Variants in UBR4 observed in about 807,000 individuals in gnomAD.
UBR4 encodes the protein ubiquitin protein ligase E3 component n-recognin 4, also known as E3 ubiquitin-protein ligase UBR4.
UBR4 carries 124 observed loss-of-function variants against 575.6 expected under a neutral mutation model. The observed-to-expected ratio is 0.22, with a 90% CI of 0.19 to 0.25. The LOEUF (loss-of-function observed/expected upper bound fraction) is 0.25. Ranked by LOEUF, UBR4 falls within the 10% of genes least tolerant of loss-of-function variation. UBR4 has a pLI of 1.00. For missense variants in UBR4, 4,818 were observed against 6,478.8 expected (o/e 0.74, Z 8.80); for synonymous variants, 2,455 against 2,473.7 (o/e 0.99, Z 0.22).
intron 52 of UBR4, among the ~76,000 whole-genome samples, 198 bp downstream of exon 52, chr1:19,146,628 A>G (rs954603154): frequency 2.6e-5 from 4 of 152,262 alleles, no homozygotes; most frequent in Non-Finnish European, 5.9e-5. Context: ...AATCGAAAGT[A>G]TAAGCACTGG....
chr1:19,143,968 A>T lies in UBR4; in HGVS notation c.8179+12T>A. The stretch of plus-strand genomic sequence containing the variant: ...AATACAGGCTTGAGCCTAAACCCAG[A>T]CCTCATATTACCCATTGGAGTGTTG... On this transcript the variant is annotated intron_variant, in intron 55 of 105. Coordinates refer to ENST00000375254, the MANE Select transcript of UBR4 (RefSeq NM_020765.3). The T allele has an allele frequency of 6.2e-7, 1 of 1,611,368 alleles. No individual in the cohort carries two copies. The highest frequency in any genetic ancestry group is 8.5e-7 in the Non-Finnish European group (1 of 1,177,812).
Position 19,093,170 on chromosome 1 carries a change from C to A in UBR4, c.14111+143G>T. 8.6e-7 allele frequency: 1 copy of A among 1,169,480 alleles called. No individual in the cohort carries two copies. The highest frequency in any genetic ancestry group is 2.2e-5 in the Admixed American group (1 of 44,576). 72.4% of individuals were successfully genotyped at this position (1,169,480 alleles called of 1,614,324 possible). On this transcript the variant is annotated intron_variant, in intron 96 of 105. Transcript: ENST00000375254. The surrounding 1 kb of genome is among the most constrained non-coding windows in gnomAD (Gnocchi z 4.8). ...GGACTCTGCAGTGGTTGAATGGTCA[C>A]CCACATAGTTTCCAGAAGCGGTTGG...
In UBR4 at chr1:19,168,164, G is replaced by A. The variant is rs766979610; in HGVS notation, c.3762C>T (p.Asp1254=). 1.3e-5 allele frequency: 21 copies of A among 1,588,852 alleles called. No homozygotes were observed. In the African/African-American group the frequency reaches 1.6e-4, roughly 12 times the overall value. ...TAATATAACTCTCTGAAGGGATGGT[G>A]TCATTGGCAAAGGCATTGCGCTGAA... ...IGSWRNAFAN[D]TIPSESYISA... is the part of the protein sequence containing the mutation. The change falls in exon 28 of 106, where the codon GAC becomes GAT. Residue 1254 remains aspartate, a synonymous_variant. Transcript: ENST00000375254.
At chr1:19,136,020 C>T (rs1027617038) in intron 60 of UBR4, among the ~76,000 whole-genome samples, 2 of 152,000 alleles carry the variant, frequency 1.3e-5, no homozygotes, top group African/African-American at 4.8e-5. Context: ...ATAACAAAAG[C>T]GAGGAAATAA....
chr1:19,186,495 C>T (rs1394444342), intron 14 of UBR4, 45 bp downstream of exon 14: 4 of 1,557,914 alleles, frequency 2.6e-6, no homozygotes, highest in Non-Finnish European at 3.5e-6. Flanking sequence ...ACTCCTGTTG[C>T]ACTCTATAGC....
rs747849656 is a variant in UBR4, at chr1:19,112,534, G to A, written c.11791C>T (p.Leu3931Phe). 6.8e-6 allele frequency: 11 copies of A among 1,610,568 alleles called. No individual in the cohort carries two copies. In the East Asian group the frequency reaches 1.8e-4, roughly 26 times the overall value. The change falls in exon 78 of 106, where the codon CTC (leucine) becomes TTC (phenylalanine). Residue 3931 changes from leucine to phenylalanine, a missense_variant. By Grantham distance (22) the Leu-to-Phe change is conservative. Transcript: ENST00000375254. ...MREEVRQLMC[L>F]LTRDNPEATQ... ...GGTGTAGGTACTGACCGAGTTAGGAGGCACATGAGCTGGCGGACCTCCTCC... is the reference window on the plus strand; with the variant it reads ...GGTGTAGGTACTGACCGAGTTAGGAAGCACATGAGCTGGCGGACCTCCTCC...
At position 19,078,397 on chromosome 1, in the gene UBR4, G is replaced by A. The variant is rs1051260541; in HGVS notation, c.15234-331C>T. The A allele has an allele frequency of 6.3e-5, 15 of 236,862 alleles. No homozygotes were observed. In the East Asian group the frequency reaches 1.5e-3, roughly 24 times the overall value. 14.7% of individuals were successfully genotyped at this position (236,862 alleles called of 1,614,324 possible). On this transcript the variant is annotated intron_variant, in intron 103 of 105. Transcript: ENST00000375254. ...GCTAGTGACTTAAAGAAAGGCAAAGGATTCCTATGTATCCCTTGTGTTTGG... is the reference window on the plus strand; with the variant it reads ...GCTAGTGACTTAAAGAAAGGCAAAGAATTCCTATGTATCCCTTGTGTTTGG...
rs753432625 is a variant in UBR4 at position 19,172,986 on chromosome 1, G to C, written c.3399C>G (p.Val1133=). ...TLDAAISKVQ[V]SLDEHFSKMA... is the part of the protein sequence containing the mutation. ...TCTTAGAAAAATGCTCATCCAAAGA[G>C]ACCTGGACCTTTGAGATCGCGGCAT... Residue 1133 remains valine, a synonymous_variant, in exon 25 of 106, where the codon GTC becomes GTG. Transcript: ENST00000375254. 3 of 1,614,160 alleles carry C rather than the reference G, an allele frequency of 1.9e-6. No homozygotes were observed. Among genetic ancestry groups the C allele is most frequent in the African/African-American group, 1.3e-5 (1 of 75,030 alleles).
At chr1:19,144,696 T>C in intron 54 of UBR4, 90 bp downstream of exon 54, 3 of 1,512,694 alleles carry the variant, frequency 2.0e-6, no homozygotes, top group Non-Finnish European at 1.8e-6. Context: ...CCTCTAAATA[T>C]ATTTTATTTC....
chr1:19,157,222 CTG>C lies in UBR4; in HGVS notation c.5761-299_5761-298del, dbSNP rs1453789766. 3.3e-5 allele frequency among the ~76,000 whole-genome samples: 5 copies of C among 152,158 alleles called. No individual in the cohort carries two copies. The highest frequency in any genetic ancestry group is 1.2e-4 in the African/African-American group (5 of 41,442). ...TGTCCTTTTCTAGTTTTCTAGGAAA[CTG>C]TTTTTAAAATGATTTTAGAGTTGTT... On this transcript the variant is annotated intron_variant, in intron 40 of 105. Transcript: ENST00000375254. This position sits in a 1 kb window ranked among gnomAD's most constrained non-coding sequence, Gnocchi z 4.4.
At chr1:19,147,852 G>GA in intron 51 of UBR4, 141 bp downstream of exon 51, 1 of 1,312,742 alleles carries the variant, frequency 7.6e-7, no homozygotes, top group East Asian at 2.5e-5. Flanking sequence ...TTTCTCAGGA[G>GA]AAACTCTGTA....
chr1:19,203,426 G>A (rs559134505), intron 1 of UBR4, among the ~76,000 whole-genome samples: 5 of 152,032 alleles, frequency 3.3e-5, no homozygotes, highest in South Asian at 2.1e-4. Flanking sequence ...GCTTGAACCC[G>A]GCAGGTGGAA....
chr1:19,139,803 A>C lies in UBR4; in HGVS notation c.8594-583T>G, dbSNP rs546334266. 2.0e-5 allele frequency among the ~76,000 whole-genome samples: 3 copies of C among 152,166 alleles called. No homozygotes were observed. The highest frequency in any genetic ancestry group is 4.4e-5 in the Non-Finnish European group (3 of 68,026). On this transcript the variant is annotated intron_variant, in intron 58 of 105. Transcript: ENST00000375254. The surrounding 1 kb of genome is among the most constrained non-coding windows in gnomAD (Gnocchi z 4.2). ...CTCATTGGGAAATTTCACACCTCCT[A>C]ATCATCCTCATCAGATGCTAATAAT...
At position 19,112,120 on chromosome 1, in the gene UBR4, G is replaced by A. The variant is rs147358405; in HGVS notation, c.11801+404C>T. 556 of 170,356 alleles carry A rather than the reference G, an allele frequency of 3.3e-3. 4 individuals carry two copies. Among genetic ancestry groups the A allele is most frequent in the African/African-American group, 0.012 (522 of 42,060 alleles). The allele number at this position is 170,356 out of a possible 1,614,324, so 10.6% of individuals were successfully genotyped here. A position where few individuals can be genotyped will look rare whatever the true frequency, so the allele number is the denominator to read the frequency against. ...AGAAATTAAGGAATCTGTCCAAGGC[G>A]TATAGTACAAGGTATCAGATACTGA... On this transcript the variant is annotated intron_variant, in intron 78 of 105. Coordinates refer to ENST00000375254, the MANE Select transcript of UBR4 (RefSeq NM_020765.3).
chr1:19,153,999 T>C lies in UBR4; in HGVS notation c.6459-60A>G. 6 of 1,572,070 alleles carry C rather than the reference T, an allele frequency of 3.8e-6. No homozygotes were observed. Among genetic ancestry groups the C allele is most frequent in the Non-Finnish European group, 5.2e-6 (6 of 1,157,016 alleles). ...CAGTCACCATTTAATAGTTCTTTTC[T>C]TGACCTAAAAACCATCCTCTAACTG... is the stretch of plus-strand genomic sequence containing the variant. On this transcript the variant is annotated intron_variant, in intron 44 of 105. Coordinates refer to ENST00000375254, the MANE Select transcript of UBR4 (RefSeq NM_020765.3). The surrounding 1 kb of genome is among the most constrained non-coding windows in gnomAD (Gnocchi z 4.1).
chr1:19,110,516 C>T lies in UBR4; in HGVS notation c.11893-52G>A, dbSNP rs776701170. 50 of 1,562,094 alleles carry T rather than the reference C, an allele frequency of 3.2e-5. No homozygotes were observed. Among genetic ancestry groups the T allele is most frequent in the Middle Eastern group, 3.4e-4 (2 of 5,894 alleles). On this transcript the variant is annotated intron_variant, in intron 79 of 105. Transcript: ENST00000375254. This position sits in a 1 kb window ranked among gnomAD's most constrained non-coding sequence, Gnocchi z 4.5. ...GTCAAGAGGGTCAGCTCCGGTCCAG[C>T]GACTCTTAACTATTAATACAATTTC...
Position 19,139,129 on chromosome 1 carries a change from C to T in UBR4, c.8685G>A (p.Ser2895=), listed in dbSNP as rs568997857. Reference sequence around the variant, plus strand: ...AGTCCACTGCACTGCCCCCGCTCTCCGAGCCCACACTACCACCGTGGTCAG... The same window carrying T: ...AGTCCACTGCACTGCCCCCGCTCTCTGAGCCCACACTACCACCGTGGTCAG... ...SPADHGGSVG[S]ESGGSAVDSV... Residue 2895 remains serine (S), a synonymous_variant, in exon 59 of 106, where the codon TCG becomes TCA. Transcript: ENST00000375254. This position sits in a 1 kb window ranked among gnomAD's most constrained non-coding sequence, Gnocchi z 4.2. 18 of 1,613,918 alleles carry T rather than the reference C, an allele frequency of 1.1e-5. No individual in the cohort carries two copies. The highest frequency in any genetic ancestry group is 2.7e-5 in the African/African-American group (2 of 75,032).
At chr1:19,187,126 C>T (rs1411123032) in intron 13 of UBR4, 38 bp downstream of exon 13, 3 of 1,520,238 alleles carry the variant, frequency 2.0e-6, no homozygotes, top group African/African-American at 1.4e-5. Flanking sequence ...TAAAATGAGA[C>T]ATTCTTCTAA....
At position 19,074,810 on chromosome 1, in the gene UBR4, C is replaced by T. The variant is rs375379470; in HGVS notation, c.*22G>A. ...GAAGGCAAGCCAGCTTCGTCTTCGC[C>T]GCCGCAGCTGCTGTGTGGTGGTCAG... On this transcript the variant is annotated 3_prime_UTR_variant, in exon 106 of 106. Transcript: ENST00000375254. 2.4e-5 allele frequency: 38 copies of T among 1,613,512 alleles called. No homozygotes were observed. Among genetic ancestry groups the T allele is most frequent in the African/African-American group, 2.7e-5 (2 of 75,010 alleles).
Sources: gnomAD v4.1 joint callset for allele counts (sites outside exome capture counted in the v4.1 genomes callset) on GRCh38, gnomAD v4.1.1 for gene constraint, Gnocchi (gnomAD v3.1) non-coding constraint, MANE v1.5 for transcripts, NCBI Gene and HGNC (gene_info 2026-07-23, HGNC 2026-07-21) for gene names.